The following TMTC1 variants were observed in gnomAD, a reference collection of about 807,000 sequenced individuals.
The protein encoded by TMTC1 is protein O-mannosyl-transferase TMTC1.
Under a neutral mutation model 104.8 loss-of-function variants are expected in TMTC1, and 73 were observed. The observed-to-expected ratio is 0.70, with a 90% CI of 0.58 to 0.85. TMTC1 has a LOEUF of 0.85. TMTC1 is among the 40% of genes least tolerant of loss of function. The probability of loss-of-function intolerance (pLI) is 0.00; values close to 1 mark genes in which losing one functional copy is unlikely to be tolerated. For synonymous variants in TMTC1, 434 were observed against 428.7 expected (o/e 1.01, Z -0.15); for missense variants, 1,035 against 1,096.1 (o/e 0.94, Z 0.79).
chr12:29,576,709 C>T (rs548111145), intron 8 of TMTC1, among the ~76,000 whole-genome samples: 3 of 151,938 alleles, frequency 2.0e-5, no homozygotes, highest in African/African-American at 7.2e-5. Flanking sequence ...ATCCCATCTA[C>T]AAAAAGAGGG....
At chr12:29,512,665 C>T (rs1320261117) in intron 16 of TMTC1, among the ~76,000 whole-genome samples, 2 of 152,040 alleles carry the variant, frequency 1.3e-5, no homozygotes, top group African/African-American at 2.4e-5. Flanking sequence ...GTCTTTTTTC[C>T]CCTGCCACAT....
intron 2 of TMTC1, among the ~76,000 whole-genome samples, chr12:29,759,453 T>A (rs1943293801): frequency 6.6e-6 from 1 of 152,146 alleles, no homozygotes; most frequent in Non-Finnish European, 1.5e-5. Context: ...GCTGTGATCG[T>A]GCCACTGCAC....
rs1351199594 is a variant in TMTC1, at chr12:29,506,936, A to C, written c.2559T>G (p.Val853=). 1.2e-6 allele frequency: 2 copies of C among 1,613,916 alleles called. No homozygotes were observed. The highest frequency in any genetic ancestry group is 2.7e-5 in the African/African-American group (2 of 74,904). The stretch of plus-strand genomic sequence containing the variant: ...TTTCCTTCAGCAGTTTGCTGTCTGG[A>C]ACCAGCTGTAAGGCTCTCTCATAAT... ...RAYYERALQL[V]PDSKLLKENL... The change falls in exon 18 of 18, where the codon GTT becomes GTG. Residue 853 remains valine (V), a synonymous_variant. Coordinates refer to ENST00000539277, the MANE Select transcript of TMTC1 (RefSeq NM_001193451.2).
intron 7 of TMTC1, among the ~76,000 whole-genome samples, chr12:29,601,533 C>T (rs974020454): frequency 6.6e-6 from 1 of 152,164 alleles, no homozygotes; most frequent in African/African-American, 2.4e-5. Flanking sequence ...AAGTCCATTA[C>T]TATGTGTAGA....
At chr12:29,515,906 G>A (rs901946997) in intron 15 of TMTC1, among the ~76,000 whole-genome samples, 7 of 151,526 alleles carry the variant, frequency 4.6e-5, no homozygotes, top group Non-Finnish European at 7.4e-5. Flanking sequence ...GTGACATTGG[G>A]TCACCCTGTG....
chr12:29,777,327 T>A (rs1018129231), intron 1 of TMTC1, among the ~76,000 whole-genome samples: 1 of 152,018 alleles, frequency 6.6e-6, no homozygotes. Context: ...TCTCTTGACT[T>A]AGTGATCCGC....
chr12:29,555,909 C>T (rs563169550), intron 10 of TMTC1, among the ~76,000 whole-genome samples: 1 of 144,288 alleles, frequency 6.9e-6, no homozygotes, highest in East Asian at 2.0e-4. Context: ...CACTGTCTTC[C>T]ACAATGGTTG....
intron 5 of TMTC1, among the ~76,000 whole-genome samples, chr12:29,750,676 T>C (rs1943068593): frequency 6.6e-6 from 1 of 152,186 alleles, no homozygotes; most frequent in Non-Finnish European, 1.5e-5. Flanking sequence ...CAATCTGAAG[T>C]GGTAAAGTGC....
intron 6 of TMTC1, among the ~76,000 whole-genome samples, chr12:29,628,116 TTTAA>T (rs1332932566): frequency 2.0e-5 from 3 of 152,252 alleles, no homozygotes; most frequent in African/African-American, 7.2e-5. Flanking sequence ...TCTTTGACTC[TTTAA>T]TTCTTTATGA....
intron 6 of TMTC1, among the ~76,000 whole-genome samples, chr12:29,624,538 C>T (rs1937870352): frequency 1.3e-5 from 2 of 152,220 alleles, no homozygotes; most frequent in African/African-American, 4.8e-5. Flanking sequence ...CCAGCCATCT[C>T]AGCCTCCTTA....
At chr12:29,626,870 G>A (rs1394854387) in intron 6 of TMTC1, among the ~76,000 whole-genome samples, 2 of 152,176 alleles carry the variant, frequency 1.3e-5, no homozygotes, top group African/African-American at 4.8e-5. Context: ...GGAGGCCATG[G>A]CAGGTGGATC....
chr12:29,613,045 T>A (rs1946885637), intron 6 of TMTC1, among the ~76,000 whole-genome samples: 1 of 152,208 alleles, frequency 6.6e-6, no homozygotes, highest in Non-Finnish European at 1.5e-5. Flanking sequence ...TTGTTATTGT[T>A]CTAAGCTTCT....
chr12:29,512,148 T>A (rs1368642178), intron 16 of TMTC1, 28 bp from the exon 17 acceptor site: 1 of 1,573,342 alleles, frequency 6.4e-7, no homozygotes, highest in Non-Finnish European at 8.6e-7. Flanking sequence ...ATCCTCAGGT[T>A]AGGAAACAAA....
Position 29,516,505 on chromosome 12 carries a change from C to T in TMTC1, c.2170-19G>A. ...CCTGAGCCTACAAAACCACATGGAC[C>T]TTGGCTTAGCAGAGACTTCATTACC... On this transcript the variant is annotated intron_variant, in intron 14 of 17. Transcript: ENST00000539277. The T allele has an allele frequency of 3.7e-6, 6 of 1,608,658 alleles. No individual in the cohort carries two copies. The highest frequency in any genetic ancestry group is 5.1e-6 in the Non-Finnish European group (6 of 1,176,640).
intron 11 of TMTC1, among the ~76,000 whole-genome samples, chr12:29,528,013 T>C (rs1944397108): frequency 6.6e-6 from 1 of 152,274 alleles, no homozygotes; most frequent in East Asian, 1.9e-4. Flanking sequence ...TTTCACTTGA[T>C]TGTCAATTTC....
At chr12:29,758,578 C>T in intron 3 of TMTC1, 126 bp downstream of exon 3, 1 of 954,330 alleles carries the variant, frequency 1.0e-6, no homozygotes, top group Non-Finnish European at 1.6e-6. Flanking sequence ...TTTCCTATTC[C>T]TGGTCCCTGG....
chr12:29,537,248 C>T (rs996276440), intron 10 of TMTC1, among the ~76,000 whole-genome samples: 6 of 152,188 alleles, frequency 3.9e-5, no homozygotes, highest in Non-Finnish European at 8.8e-5. Flanking sequence ...TTAACAGTTA[C>T]CAATATAGAG....
At chr12:29,662,854 G>A (rs1940099063) in intron 5 of TMTC1, among the ~76,000 whole-genome samples, 1 of 152,122 alleles carries the variant, frequency 6.6e-6, no homozygotes, top group Admixed American at 6.6e-5. Context: ...TATTTAATGA[G>A]TGGAGAAAAC....
intron 5 of TMTC1, 141 bp downstream of exon 5, chr12:29,751,525 G>A (rs766395389): frequency 3.5e-5 from 29 of 832,046 alleles, no homozygotes; most frequent in Non-Finnish European, 5.4e-5. Context: ...GGGACAGGAA[G>A]AAGGGGGTAA....
Sources: allele counts gnomAD v4.1 joint callset (sites outside exome capture counted in the v4.1 genomes callset), GRCh38; gene constraint gnomAD v4.1.1; transcripts MANE v1.5; gene names NCBI Gene and HGNC (gene_info 2026-07-23, HGNC 2026-07-21).